CACNA1C: variants seen among roughly 807,000 people sequenced by gnomAD.
CACNA1C encodes calcium voltage-gated channel subunit alpha1 C, also known as voltage-dependent L-type calcium channel subunit alpha-1C.
CACNA1C carries 30 observed loss-of-function variants against 229.0 expected under a neutral mutation model. The observed-to-expected ratio is 0.13, with a 90% CI of 0.10 to 0.18. The LOEUF (loss-of-function observed/expected upper bound fraction) is 0.18. CACNA1C is among the 10% of genes least tolerant of loss of function. CACNA1C has a pLI of 1.00. For missense variants in CACNA1C, 1,658 were observed against 2,845.0 expected (o/e 0.58, Z 9.49); for synonymous variants, 1,114 against 1,132.5 (o/e 0.98, Z 0.33).
intron 13 of CACNA1C, among the ~76,000 whole-genome samples, chr12:2,568,025 A>G (rs947053694): frequency 6.6e-6 from 1 of 152,162 alleles, no homozygotes; most frequent in Non-Finnish European, 1.5e-5. Flanking sequence ...CAAGCTAGGG[A>G]CTTATTCAGC....
At chr12:1,992,447 GA>G (rs1363063030) in intron 1 of CACNA1C, 4 of 153,280 alleles carry the variant, frequency 2.6e-5, no homozygotes, top group African/African-American at 9.7e-5. Context: ...AAAATATACA[GA>G]AAACATTTCT....
At chr12:2,508,851 T>G (rs73046253) in intron 8 of CACNA1C, among the ~76,000 whole-genome samples, 21 of 152,330 alleles carry the variant, frequency 1.4e-4, no homozygotes, top group Non-Finnish European at 2.9e-4. Context: ...ATTAACCCTA[T>G]GCAAGACATA....
chr12:2,251,341 C>T (rs140464930), intron 3 of CACNA1C, among the ~76,000 whole-genome samples: 1 of 152,260 alleles, frequency 6.6e-6, no homozygotes, highest in African/African-American at 2.4e-5. Context: ...AGAGCTATAC[C>T]CAGCTTTCTA....
intron 1 of CACNA1C, among the ~76,000 whole-genome samples, chr12:1,987,294 C>A (rs1284028653): frequency 3.3e-5 from 5 of 152,198 alleles, no homozygotes; most frequent in Admixed American, 2.0e-4. Context: ...CATTATAATA[C>A]TAGTATGCTA....
chr12:2,380,855 T>G (rs1469570745), intron 3 of CACNA1C, among the ~76,000 whole-genome samples: 1 of 152,206 alleles, frequency 6.6e-6, no homozygotes, highest in Non-Finnish European at 1.5e-5. Context: ...ATGTCCTCAT[T>G]ACAGCACGTA....
At position 2,666,643 on chromosome 12, in the gene CACNA1C, G is replaced by A. The variant is rs762338223; in HGVS notation, c.4527-43G>A. The A allele has an allele frequency of 1.3e-5, 17 of 1,304,206 alleles. No homozygotes were observed. The highest frequency in any genetic ancestry group is 1.0e-4 in the African/African-American group (7 of 68,572). The allele number at this position is 1,304,206 out of a possible 1,614,324, so 80.8% of individuals were successfully genotyped here. A position where few individuals can be genotyped will look rare whatever the true frequency, so the allele number is the denominator to read the frequency against. On this transcript the variant is annotated intron_variant, in intron 36 of 46. Transcript: ENST00000399655. The surrounding 1 kb of genome is among the most constrained non-coding windows in gnomAD (Gnocchi z 5.3). Reference sequence around the variant, plus strand: ...GCGTCCTGGGCTGCTGGCAGAGACCGTGGCTCTCTGATGCCCTGTCCCTCC... The same window carrying A: ...GCGTCCTGGGCTGCTGGCAGAGACCATGGCTCTCTGATGCCCTGTCCCTCC...
At chr12:2,221,800 C>A (rs1403048337) in intron 3 of CACNA1C, 3 of 152,206 alleles carry the variant, frequency 2.0e-5, no homozygotes, top group Non-Finnish European at 4.4e-5. Context: ...CTCTATTAAT[C>A]ACCAGAGGGC....
At chr12:2,236,115 C>G (rs990995984) in intron 3 of CACNA1C, among the ~76,000 whole-genome samples, 4 of 152,178 alleles carry the variant, frequency 2.6e-5, no homozygotes, top group African/African-American at 9.7e-5. Flanking sequence ...AGTTCCATTC[C>G]ATCTCAGCCC....
intron 9 of CACNA1C, among the ~76,000 whole-genome samples, chr12:2,521,708 C>T (rs1050807890): frequency 6.6e-6 from 1 of 152,198 alleles, no homozygotes; most frequent in Non-Finnish European, 1.5e-5. Flanking sequence ...CTGTCCTCTT[C>T]GCTTCTTCGC....
intron 13 of CACNA1C, among the ~76,000 whole-genome samples, chr12:2,571,078 C>G (rs1292753155): frequency 6.6e-6 from 1 of 152,196 alleles, no homozygotes; most frequent in Non-Finnish European, 1.5e-5. Context: ...CTTGAGTGAT[C>G]CTCCCAAGTA....
In CACNA1C at chr12:2,651,875, C is replaced by G; in HGVS notation, c.4074+107C>G. On this transcript the variant is annotated intron_variant, in intron 32 of 46. Coordinates refer to ENST00000399655, the MANE Select transcript of CACNA1C (RefSeq NM_000719.7). The surrounding 1 kb of genome is among the most constrained non-coding windows in gnomAD (Gnocchi z 5.4). Reference sequence around the variant, plus strand: ...CCTCCACTCTGGGGCCCTGCTCCTTCCTCTGTGTGGCAGAACTCGGCCGCT... The same window carrying G: ...CCTCCACTCTGGGGCCCTGCTCCTTGCTCTGTGTGGCAGAACTCGGCCGCT... The G allele has an allele frequency of 2.3e-6, 2 of 877,038 alleles. No individual in the cohort carries two copies. The highest frequency in any genetic ancestry group is 3.4e-6 in the Non-Finnish European group (2 of 587,236). 54.3% of individuals were successfully genotyped at this position (877,038 alleles called of 1,614,324 possible).
chr12:2,391,215 G>A (rs549988229), intron 3 of CACNA1C, among the ~76,000 whole-genome samples: 32 of 152,318 alleles, frequency 2.1e-4, no homozygotes, highest in African/African-American at 7.0e-4. Flanking sequence ...AGGCCATTTG[G>A]GGCATGTTTG....
At chr12:2,153,507 T>C (rs1235483936) in intron 3 of CACNA1C, among the ~76,000 whole-genome samples, 1 of 152,110 alleles carries the variant, frequency 6.6e-6, no homozygotes, top group Non-Finnish European at 1.5e-5. Context: ...CACCCACCAT[T>C]CTACTTTCTG....
At chr12:2,363,650 C>T (rs1354029470) in intron 3 of CACNA1C, among the ~76,000 whole-genome samples, 1 of 151,466 alleles carries the variant, frequency 6.6e-6, no homozygotes, top group East Asian at 2.0e-4. Context: ...TTCTTTCTTT[C>T]CCCTGAAGGT....
chr12:2,334,711 A>C (rs1057157163), intron 3 of CACNA1C, among the ~76,000 whole-genome samples: 4 of 152,016 alleles, frequency 2.6e-5, no homozygotes, highest in African/African-American at 9.7e-5. Flanking sequence ...CTTTAACTTC[A>C]TTGAAACTCA....
chr12:2,464,907 G>C (rs1046404526), intron 5 of CACNA1C, among the ~76,000 whole-genome samples: 3 of 152,176 alleles, frequency 2.0e-5, no homozygotes, highest in Non-Finnish European at 4.4e-5. Context: ...ATACCATATA[G>C]AAGGCAAGGA....
At chr12:2,310,370 T>A (rs2154483640) in intron 3 of CACNA1C, among the ~76,000 whole-genome samples, 1 of 150,714 alleles carries the variant, frequency 6.6e-6, no homozygotes, top group East Asian at 1.9e-4. Context: ...TATATATATA[T>A]ATGTATGGGA....
chr12:2,008,944 G>A (rs2043936465), intron 1 of CACNA1C, among the ~76,000 whole-genome samples: 1 of 152,246 alleles, frequency 6.6e-6, no homozygotes, highest in African/African-American at 2.4e-5. Flanking sequence ...ATCTGTGTTT[G>A]TAAAACCAGG....
chr12:2,089,792 G>T (rs10848610), intron 1 of CACNA1C, among the ~76,000 whole-genome samples: 121,865 of 151,996 alleles, frequency 0.8, 49,607 homozygotes, highest in African/African-American at 0.92. Context: ...CCCAGCACTT[G>T]GGGAGGCTGA....
Sources: gnomAD v4.1 joint callset for allele counts (sites outside exome capture counted in the v4.1 genomes callset) on GRCh38, gnomAD v4.1.1 for gene constraint, Gnocchi (gnomAD v3.1) non-coding constraint, MANE v1.5 for transcripts, NCBI Gene and HGNC (gene_info 2026-07-23, HGNC 2026-07-21) for gene names.